Variants in PRR16 observed in about 807,000 individuals in gnomAD.
PRR16 encodes proline rich 16.
A neutral mutation model predicts 18.2 loss-of-function variants in PRR16; 6 were observed. The observed-to-expected ratio is 0.33, with a 90% CI of 0.18 to 0.65. PRR16 has a LOEUF of 0.65. PRR16 is among the 30% of genes least tolerant of loss of function. The pLI, the probability that PRR16 is intolerant of heterozygous loss-of-function variation, is 0.74. For synonymous variants in PRR16, 151 were observed against 147.8 expected (o/e 1.02, Z -0.16); for missense variants, 412 against 376.6 (o/e 1.09, Z -0.78).
chr5:120,722,038 A>G, the PRR16 span, among the ~76,000 whole-genome samples: 1 of 151,954 alleles, frequency 6.6e-6, no homozygotes, highest in Non-Finnish European at 1.5e-5. Flanking sequence ...CCTACCTGCC[A>G]ACAGGCCCTG....
At chr5:120,758,717 G>A in the PRR16 span, among the ~76,000 whole-genome samples, 1 of 151,954 alleles carries the variant, frequency 6.6e-6, no homozygotes, top group Non-Finnish European at 1.5e-5. Context: ...TGGTGTAACT[G>A]TCCTGAGACC....
rs1754738759 is a variant in PRR16 at position 120,622,944 on chromosome 5, A to T, written c.160-63010A>T. Among the ~76,000 whole-genome samples, 7 of 152,182 alleles carry T rather than the reference A, an allele frequency of 4.6e-5. No homozygotes were observed. The South Asian group carries it at 1.4e-3, about 32-fold the overall frequency. On this transcript the variant is annotated intron_variant, in intron 1 of 1. Coordinates refer to ENST00000407149, the MANE Select transcript of PRR16 (RefSeq NM_001300783.2). Reference sequence around the variant, plus strand: ...AATGCAGTAGGGAGAGAGAACAATAAAAATGTGTAATTTTCTACTTATAAA... The same window carrying T: ...AATGCAGTAGGGAGAGAGAACAATATAAATGTGTAATTTTCTACTTATAAA...
chr5:120,789,447 G>T, the PRR16 span, among the ~76,000 whole-genome samples: 4 of 151,962 alleles, frequency 2.6e-5, no homozygotes, highest in Non-Finnish European at 5.9e-5. Flanking sequence ...TAATTATATG[G>T]CTAATTCTCT....
rs112424816 is a variant in PRR16 at position 120,555,533 on chromosome 5, T to TAG, written c.159+90906_159+90907dup. ...GGGTGGGGTGTGTGTGTGGGAGAGA[T>TAG]AGAGAGAGAGAGAGAGAGATCTGAT... On this transcript the variant is annotated intron_variant, in intron 1 of 1. Coordinates refer to ENST00000407149, the MANE Select transcript of PRR16 (RefSeq NM_001300783.2). Among the ~76,000 whole-genome samples, 1,350 of 147,740 alleles carry TAG rather than the reference T, an allele frequency of 9.1e-3. 23 individuals carry two copies. The highest frequency in any genetic ancestry group is 0.031 in the African/African-American group (1,263 of 40,610).
Position 120,494,245 on chromosome 5 carries a change from T to C in PRR16, c.159+29600T>C, listed in dbSNP as rs571436281. 3.3e-5 allele frequency among the ~76,000 whole-genome samples: 5 copies of C among 152,266 alleles called. No homozygotes were observed. In the South Asian group the frequency reaches 6.2e-4, roughly 19 times the overall value. On this transcript the variant is annotated intron_variant, in intron 1 of 1. Coordinates refer to ENST00000407149, the MANE Select transcript of PRR16 (RefSeq NM_001300783.2). ...TTATTCTGAGTGTAGTGCTACCTCA[T>C]TGTGGTTTTAACTTGCATATCCCTG...
intron 1 of PRR16, among the ~76,000 whole-genome samples, chr5:120,677,905 C>CTTTTTTTTTTTTTTTTTTTTTTT (rs386404833): frequency 1.1e-5 from 1 of 93,206 alleles, no homozygotes; most frequent in Non-Finnish European, 1.9e-5. Context: ...CTTTTTCTTT[C>CTTTTTTTTTTTTTTTTTTTTTTT]TTTTTTTTTT....
the PRR16 span, among the ~76,000 whole-genome samples, chr5:120,732,351 G>A: frequency 6.6e-6 from 1 of 152,102 alleles, no homozygotes; most frequent in East Asian, 1.9e-4. Context: ...TTTTTTGGTT[G>A]ATCTGAAGAC....
At chr5:120,729,632 T>C in the PRR16 span, among the ~76,000 whole-genome samples, 3 of 152,198 alleles carry the variant, frequency 2.0e-5, no homozygotes, top group African/African-American at 4.8e-5. Flanking sequence ...TGTTTACGCA[T>C]GGATGTTTGA....
the PRR16 span, among the ~76,000 whole-genome samples, chr5:120,782,592 G>A: frequency 6.6e-6 from 1 of 152,062 alleles, no homozygotes; most frequent in Non-Finnish European, 1.5e-5. Context: ...GCAGTCATAA[G>A]TTACAAGGTA....
chr5:120,519,370 TAAA>T (rs373580886), intron 1 of PRR16, among the ~76,000 whole-genome samples: 95 of 152,248 alleles, frequency 6.2e-4, no homozygotes, highest in African/African-American at 1.9e-3. Context: ...AATTACGTAA[TAAA>T]AAGAAGAATG....
chr5:120,607,998 A>G (rs922625175), intron 1 of PRR16, among the ~76,000 whole-genome samples: 11 of 152,174 alleles, frequency 7.2e-5, no homozygotes, highest in African/African-American at 2.4e-4. Context: ...TAGATATCAA[A>G]TCTAGGAGTT....
chr5:120,634,591 C>T (rs1227741495), intron 1 of PRR16, among the ~76,000 whole-genome samples: 1 of 152,030 alleles, frequency 6.6e-6, no homozygotes, highest in African/African-American at 2.4e-5. Flanking sequence ...TGCAGTGAGC[C>T]AAGATCATGC....
the PRR16 span, among the ~76,000 whole-genome samples, chr5:120,693,440 TCA>T: frequency 6.6e-6 from 1 of 152,162 alleles, no homozygotes; most frequent in Non-Finnish European, 1.5e-5. Flanking sequence ...ACTACAAGCT[TCA>T]GTTCTTTCCT....
chr5:120,771,006 T>A, the PRR16 span, among the ~76,000 whole-genome samples: 3 of 148,088 alleles, frequency 2.0e-5, no homozygotes, highest in Admixed American at 6.8e-5. Context: ...ATGTCTATCT[T>A]TATTATTGGA....
At chr5:120,541,366 A>G (rs1391608041) in intron 1 of PRR16, among the ~76,000 whole-genome samples, 1 of 152,078 alleles carries the variant, frequency 6.6e-6, no homozygotes, top group Non-Finnish European at 1.5e-5. Context: ...GGCTGGTCTC[A>G]AACTCCTGAC....
At chr5:120,740,033 C>T in the PRR16 span, among the ~76,000 whole-genome samples, 1 of 152,136 alleles carries the variant, frequency 6.6e-6, no homozygotes, top group African/African-American at 2.4e-5. Flanking sequence ...GGACCCCGGA[C>T]TATTATTCAA....
the PRR16 span, among the ~76,000 whole-genome samples, chr5:120,719,919 A>G: frequency 6.6e-6 from 1 of 152,166 alleles, no homozygotes; most frequent in South Asian, 2.1e-4. Flanking sequence ...TTTATCTAAA[A>G]TAAAATATTT....
At chr5:120,751,113 G>A in the PRR16 span, among the ~76,000 whole-genome samples, 1 of 152,082 alleles carries the variant, frequency 6.6e-6, no homozygotes, top group Non-Finnish European at 1.5e-5. Flanking sequence ...GAAATGATGA[G>A]AGTTCATTAA....
chr5:120,783,508 C>G, the PRR16 span, among the ~76,000 whole-genome samples: 1 of 151,404 alleles, frequency 6.6e-6, no homozygotes, highest in Non-Finnish European at 1.5e-5. Context: ...ACCTAGGATG[C>G]TTCCCTCAAC....
Sources: allele counts gnomAD v4.1 joint callset (sites outside exome capture counted in the v4.1 genomes callset), GRCh38; gene constraint gnomAD v4.1.1; transcripts MANE v1.5; gene names NCBI Gene and HGNC (gene_info 2026-07-23, HGNC 2026-07-21).